The following GPHN variants were observed in gnomAD, a reference collection of about 807,000 sequenced individuals.
The protein encoded by GPHN is gephyrin.
Under a neutral mutation model 95.5 loss-of-function variants are expected in GPHN, and 17 were observed. The ratio of observed to expected loss-of-function variants is 0.18; its 90% CI spans 0.12 to 0.27. The LOEUF is 0.27. Among genes scored for constraint, GPHN ranks in the 10% least tolerant of loss-of-function variants. The probability of loss-of-function intolerance (pLI) is 1.00; values close to 1 mark genes in which losing one functional copy is unlikely to be tolerated. For synonymous variants in GPHN, 320 were observed against 322.5 expected, an observed-to-expected ratio of 0.99 and a Z score of 0.08; for missense variants, 660 against 978.1, an observed-to-expected ratio of 0.67 and a Z score of 4.34.
chr14:67,289,859 C>G, the GPHN span, among the ~76,000 whole-genome samples: 1 of 150,290 alleles, frequency 6.7e-6, no homozygotes. Flanking sequence ...CAAGCTCTGC[C>G]TCCTGGGTTC....
chr14:67,336,605 G>A, the GPHN span: 18 of 415,478 alleles, frequency 4.3e-5, no homozygotes, highest in South Asian at 1.6e-4. Flanking sequence ...AAGGCAGTAC[G>A]TAATTCTTAA....
At chr14:66,598,384 T>G (rs962524474) in intron 1 of GPHN, among the ~76,000 whole-genome samples, 1 of 128,158 alleles carries the variant, frequency 7.8e-6, no homozygotes, top group Non-Finnish European at 1.5e-5. Flanking sequence ...TAAATATATA[T>G]AATCAGTTAA....
the GPHN span, chr14:67,197,233 T>A: frequency 0.16 from 24,450 of 152,214 alleles, 3,728 homozygotes; most frequent in East Asian, 0.42. Flanking sequence ...CTGGCCTGTA[T>A]ACATTTGATT....
chr14:67,231,987 T>G, the GPHN span, among the ~76,000 whole-genome samples: 1 of 148,072 alleles, frequency 6.8e-6, no homozygotes, highest in Admixed American at 6.8e-5. Context: ...AAAAAAAAAA[T>G]TAACATGATA....
intron 3 of GPHN, among the ~76,000 whole-genome samples, chr14:66,809,831 A>G (rs2060690168): frequency 1.3e-5 from 2 of 152,158 alleles, no homozygotes; most frequent in African/African-American, 4.8e-5. Flanking sequence ...TTTCGAGTAT[A>G]AACTATCAAA....
the GPHN span, among the ~76,000 whole-genome samples, chr14:67,393,865 T>C: frequency 6.6e-6 from 1 of 152,134 alleles, no homozygotes; most frequent in East Asian, 1.9e-4. Flanking sequence ...CAAGAAAGTC[T>C]GAGGCACCAC....
At chr14:67,046,962 T>C (rs1451902386) in intron 10 of GPHN, among the ~76,000 whole-genome samples, 1 of 152,156 alleles carries the variant, frequency 6.6e-6, no homozygotes, top group Admixed American at 6.5e-5. Context: ...CATATTACTA[T>C]TACCTATCTT....
At chr14:67,495,893 G>T in the GPHN span, among the ~76,000 whole-genome samples, 2 of 152,246 alleles carry the variant, frequency 1.3e-5, no homozygotes, top group Admixed American at 1.3e-4. Flanking sequence ...CTCTCAGGCA[G>T]GCTTTCTAGG....
chr14:67,298,185 G>A, the GPHN span, among the ~76,000 whole-genome samples: 1 of 152,042 alleles, frequency 6.6e-6, no homozygotes, highest in Admixed American at 6.6e-5. Context: ...AACTAGAATG[G>A]TCATATTTCT....
intron 1 of GPHN, among the ~76,000 whole-genome samples, chr14:66,540,535 A>G (rs149139737): frequency 1.2e-4 from 19 of 152,312 alleles, no homozygotes; most frequent in African/African-American, 4.1e-4. Context: ...GTCTTCCGTG[A>G]TAATCAGTGA....
intron 10 of GPHN, among the ~76,000 whole-genome samples, chr14:67,050,130 A>G (rs1567258334): frequency 6.6e-6 from 1 of 152,230 alleles, no homozygotes; most frequent in Non-Finnish European, 1.5e-5. Flanking sequence ...TTATTCCACA[A>G]TGTATGCATA....
At chr14:67,198,261 G>T in the GPHN span, 1 of 1,613,884 alleles carries the variant, frequency 6.2e-7, no homozygotes, top group Middle Eastern at 1.7e-4. Context: ...AAATATGTTG[G>T]ATGGAGGAGA....
chr14:67,243,095 C>A, the GPHN span, among the ~76,000 whole-genome samples: 1 of 152,182 alleles, frequency 6.6e-6, no homozygotes, highest in Non-Finnish European at 1.5e-5. Flanking sequence ...ATATTATTTA[C>A]TGAAATGCCC....
intron 11 of GPHN, among the ~76,000 whole-genome samples, chr14:67,084,865 A>G (rs1372776912): frequency 6.6e-6 from 1 of 152,224 alleles, no homozygotes; most frequent in Non-Finnish European, 1.5e-5. Context: ...CAGACTAGAA[A>G]AAGCCCAGAA....
intron 4 of GPHN, among the ~76,000 whole-genome samples, chr14:66,873,500 T>C (rs1395985982): frequency 6.6e-6 from 1 of 152,248 alleles, no homozygotes; most frequent in South Asian, 2.1e-4. Flanking sequence ...CCCAGCAAGC[T>C]AAGATCCACT....
At chr14:66,809,358 A>AAATAATAATAATAATAAT (rs540241852) in intron 3 of GPHN, among the ~76,000 whole-genome samples, 1 of 151,680 alleles carries the variant, frequency 6.6e-6, no homozygotes, top group African/African-American at 2.4e-5. Context: ...GAGTTTTCCT[A>AAATAATAATAATAATAAT]AATAATAATA....
At chr14:66,929,305 A>G (rs1217639301) in intron 8 of GPHN, among the ~76,000 whole-genome samples, 1 of 151,984 alleles carries the variant, frequency 6.6e-6, no homozygotes, top group Non-Finnish European at 1.5e-5. Flanking sequence ...TCCGCCTCCC[A>G]AAGTGCTGGA....
chr14:67,698,544 G>A, the GPHN span, among the ~76,000 whole-genome samples: 3 of 152,102 alleles, frequency 2.0e-5, no homozygotes, highest in Non-Finnish European at 4.4e-5. Context: ...ACTGAGAAAC[G>A]GCCAGAGAGG....
At chr14:66,740,078 G>A (rs536793363) in intron 2 of GPHN, among the ~76,000 whole-genome samples, 30 of 152,064 alleles carry the variant, frequency 2.0e-4, no homozygotes, top group Admixed American at 5.2e-4. Flanking sequence ...TTATCACAAA[G>A]AGCAAAAATT....
Sources: gnomAD v4.1 joint callset for allele counts (sites outside exome capture counted in the v4.1 genomes callset) on GRCh38, gnomAD v4.1.1 for gene constraint, MANE v1.5 for transcripts, NCBI Gene and HGNC (gene_info 2026-07-23, HGNC 2026-07-21) for gene names.